The following CACNA2D2 variants were observed in gnomAD, a reference collection of about 807,000 sequenced individuals.
CACNA2D2 encodes voltage-dependent calcium channel subunit alpha-2/delta-2.
CACNA2D2 carries 48 observed loss-of-function variants against 166.4 expected under a neutral mutation model. The ratio of observed to expected loss-of-function variants is 0.29; its 90% confidence interval spans 0.23 to 0.37. CACNA2D2 has a LOEUF of 0.37. Among genes scored for constraint, CACNA2D2 ranks in the 10% least tolerant of loss-of-function variants. The pLI is 1.00. For missense variants in CACNA2D2, 1,122 were observed against 1,433.0 expected (o/e 0.78, Z 3.50); for synonymous variants, 561 against 573.7 (o/e 0.98, Z 0.32).
intron 5 of CACNA2D2, among the ~76,000 whole-genome samples, chr3:50,387,352 C>T (rs1705661916): frequency 6.6e-6 from 1 of 152,238 alleles, no homozygotes; most frequent in Non-Finnish European, 1.5e-5. Flanking sequence ...CCACCTGCCT[C>T]ACACTGCAGT....
chr3:50,476,296 C>G (rs1697764307), intron 1 of CACNA2D2, 97 bp from the exon 2 acceptor site: 1 of 883,446 alleles, frequency 1.1e-6, no homozygotes, highest in African/African-American at 1.7e-5. Context: ...CAACTATCCA[C>G]TCACACCCCA....
chr3:50,442,392 C>T (rs1412233100), intron 2 of CACNA2D2, among the ~76,000 whole-genome samples: 2 of 152,190 alleles, frequency 1.3e-5, no homozygotes, highest in Non-Finnish European at 2.9e-5. Flanking sequence ...TGAGTGCCTG[C>T]CCAAGAAGCA....
chr3:50,464,446 A>T (rs888977759), intron 2 of CACNA2D2, among the ~76,000 whole-genome samples: 6 of 152,186 alleles, frequency 3.9e-5, no homozygotes, highest in Non-Finnish European at 8.8e-5. Context: ...GTCCTACCCC[A>T]GGAGCTGGTC....
chr3:50,504,141 G>C (rs2107209210), upstream of CACNA2D2: 2 of 152,402 alleles, frequency 1.3e-5, no homozygotes, highest in South Asian at 4.1e-4. Flanking sequence ...CTGGCAGAAA[G>C]GGCCTGGACC....
rs1355518338 is a variant in CACNA2D2, at chr3:50,365,210, C to A, written c.3099-26G>T. The A allele has an allele frequency of 3.7e-6, 6 of 1,609,498 alleles. No homozygotes were observed. In the East Asian group the frequency reaches 6.7e-5, roughly 18 times the overall value. ...CTGCGGGCAGCCCGGAAAGGCGGGG[C>A]GTTGAGTTTGCCCCGCCCTGACCCA... On this transcript the variant is annotated intron_variant, in intron 35 of 37. Transcript: ENST00000424201. This position sits in a 1 kb window ranked among gnomAD's most constrained non-coding sequence, Gnocchi z 4.5.
At chr3:50,458,152 T>C (rs955911727) in intron 2 of CACNA2D2, among the ~76,000 whole-genome samples, 1 of 152,240 alleles carries the variant, frequency 6.6e-6, no homozygotes, top group South Asian at 2.1e-4. Context: ...ACTTGCTTTA[T>C]CAGCAAAGCC....
rs1477310333 is a variant in CACNA2D2 at position 50,380,280 on chromosome 3, C to T, written c.843-262G>A. Among the ~76,000 whole-genome samples the T allele has an allele frequency of 6.6e-6, 1 of 152,214 alleles. No individual in the cohort carries two copies. The highest frequency in any genetic ancestry group is 2.4e-5 in the African/African-American group (1 of 41,440). On this transcript the variant is annotated intron_variant, in intron 8 of 37. Transcript: ENST00000424201. This position sits in a 1 kb window ranked among gnomAD's most constrained non-coding sequence, Gnocchi z 4.9. ...CCCCAGAGGGGGCAGGAGCCACATT[C>T]CCTGGCTTCAGTGGCTTGTTGTGTC...
intron 2 of CACNA2D2, among the ~76,000 whole-genome samples, chr3:50,450,511 A>G (rs1709045649): frequency 6.6e-6 from 1 of 152,062 alleles, no homozygotes; most frequent in Admixed American, 6.5e-5. Context: ...CTGCACCCCC[A>G]TCACCCTGCT....
chr3:50,449,947 G>A (rs989244304), intron 2 of CACNA2D2, among the ~76,000 whole-genome samples: 1 of 152,186 alleles, frequency 6.6e-6, no homozygotes, highest in Non-Finnish European at 1.5e-5. Flanking sequence ...AGCTCACAAG[G>A]GCTGTGGAGG....
In CACNA2D2 at chr3:50,365,189, G is replaced by T. The variant is rs1319159979; in HGVS notation, c.3099-5C>A. The T allele has an allele frequency of 3.1e-6, 5 of 1,611,556 alleles. No individual in the cohort carries two copies. Among genetic ancestry groups the T allele is most frequent in the Non-Finnish European group, 4.2e-6 (5 of 1,179,484 alleles). ...AGTCTCTGCGCGTGGAACAGCCTGCGGGCAGCCCGGAAAGGCGGGGCGTTG... is the reference window on the plus strand; with the variant it reads ...AGTCTCTGCGCGTGGAACAGCCTGCTGGCAGCCCGGAAAGGCGGGGCGTTG... On this transcript the variant is annotated splice_region_variant and splice_polypyrimidine_tract_variant and intron_variant, in intron 35 of 37. Transcript: ENST00000424201. This position sits in a 1 kb window ranked among gnomAD's most constrained non-coding sequence, Gnocchi z 4.5.
intron 2 of CACNA2D2, among the ~76,000 whole-genome samples, chr3:50,439,004 G>C (rs749793198): frequency 3.3e-5 from 5 of 152,254 alleles, no homozygotes; most frequent in Admixed American, 6.5e-5. Flanking sequence ...TCATCTCCAT[G>C]TGGCAGAGAG....
At position 50,365,973 on chromosome 3, in the gene CACNA2D2, C is replaced by G. The variant is rs376047122; in HGVS notation, c.2862+38G>C. On this transcript the variant is annotated intron_variant, in intron 32 of 37. Coordinates refer to ENST00000424201, the MANE Select transcript of CACNA2D2 (RefSeq NM_006030.4). The surrounding 1 kb of genome is among the most constrained non-coding windows in gnomAD (Gnocchi z 4.5). Reference sequence around the variant, plus strand: ...GTCATCTGTGGGCAGGTCTCCCAGTCCCCCCCATCTCCAGTCCAGGCATCT... The same window carrying G: ...GTCATCTGTGGGCAGGTCTCCCAGTGCCCCCCATCTCCAGTCCAGGCATCT... The G allele has an allele frequency of 9.3e-6, 15 of 1,608,936 alleles. No individual in the cohort carries two copies. Among genetic ancestry groups the G allele is most frequent in the Admixed American group, 6.7e-5 (4 of 59,896 alleles).
intron 2 of CACNA2D2, among the ~76,000 whole-genome samples, chr3:50,448,042 C>T (rs1261393394): frequency 6.6e-6 from 1 of 152,136 alleles, no homozygotes; most frequent in Non-Finnish European, 1.5e-5. Flanking sequence ...TCCCCCAGGG[C>T]CTTGAGCCCT....
intron 2 of CACNA2D2, among the ~76,000 whole-genome samples, chr3:50,471,699 G>C (rs1044500566): frequency 6.6e-6 from 1 of 151,856 alleles, no homozygotes; most frequent in African/African-American, 2.4e-5. Context: ...AAAGGCACCT[G>C]CAGAGTGGCC....
At chr3:50,436,178 G>GGT (rs56245858) in intron 2 of CACNA2D2, among the ~76,000 whole-genome samples, 152,248 of 152,254 alleles carry the variant, frequency 1, 76,121 homozygotes, top group Middle Eastern at 1. Flanking sequence ...ATCATTCTGG[G>GGT]GTGTGTGGCC....
At chr3:50,478,833 T>G (rs1034559090) in intron 1 of CACNA2D2, among the ~76,000 whole-genome samples, 2 of 152,198 alleles carry the variant, frequency 1.3e-5, no homozygotes, top group Non-Finnish European at 2.9e-5. Flanking sequence ...TGGGAATATT[T>G]ACACCACAGG....
intron 22 of CACNA2D2, among the ~76,000 whole-genome samples, chr3:50,372,143 T>C (rs1704685305): frequency 6.6e-6 from 1 of 152,092 alleles, no homozygotes; most frequent in Non-Finnish European, 1.5e-5. Context: ...CTCCCCTTAC[T>C]CTCTGCCAGG....
Position 50,378,903 on chromosome 3 carries a change from C to CA in CACNA2D2, c.1339+11dup, listed in dbSNP as rs765136571. On this transcript the variant is annotated intron_variant, in intron 13 of 37. Transcript: ENST00000424201. ...CAGGCAGGCCCCTGACAGTGATGCG[C>CA]AGGGGAGGTACCTTTGTTGGCACAG... 7 of 1,613,484 alleles carry CA rather than the reference C, an allele frequency of 4.3e-6. No individual in the cohort carries two copies. In the Admixed American group the frequency reaches 1.0e-4, roughly 23 times the overall value.
intron 1 of CACNA2D2, among the ~76,000 whole-genome samples, chr3:50,496,090 T>C (rs372235386): frequency 3.9e-4 from 60 of 152,378 alleles, no homozygotes; most frequent in East Asian, 3.9e-3. Context: ...GGATGCTTTA[T>C]TTCCCACTGC....
Sources: allele counts gnomAD v4.1 joint callset (sites outside exome capture counted in the v4.1 genomes callset), GRCh38; gene constraint gnomAD v4.1.1; non-coding constraint Gnocchi (gnomAD v3.1); transcripts MANE v1.5; gene names NCBI Gene and HGNC (gene_info 2026-07-23, HGNC 2026-07-21).